The following ITGA3 variants were observed in gnomAD, a reference collection of about 807,000 sequenced individuals.
ITGA3 encodes integrin alpha-3.
In ITGA3, 70 loss-of-function variants were observed where a neutral mutation model predicts 131.1. The ratio of observed to expected loss-of-function variants is 0.53; its 90% CI spans 0.44 to 0.65. The LOEUF (loss-of-function observed/expected upper bound fraction) is 0.65, where lower values mean the gene tolerates loss of function less well. Among genes scored for constraint, ITGA3 ranks in the 30% least tolerant of loss-of-function variants. The probability of loss-of-function intolerance (pLI) is 0.00; values close to 1 mark genes in which losing one functional copy is unlikely to be tolerated. For synonymous variants in ITGA3, 537 were observed against 571.6 expected (o/e 0.94, Z 0.86); for missense variants, 1,098 against 1,388.6 (o/e 0.79, Z 3.33).
Position 50,068,241 on chromosome 17 carries a change from C to T in ITGA3, c.600C>T (p.Gly200=), listed in dbSNP as rs767582526. ...DYLETGMCQL[G]TSGGFTQNTV... ...TGGAGACGGGCATGTGCCAGCTGGG[C>T]ACCAGCGGTGGCTTCACCCAGAACA... The change falls in exon 4 of 26, where the codon GGC becomes GGT. Residue 200 remains glycine (G), a synonymous_variant. Transcript: ENST00000320031. 6.2e-6 allele frequency: 10 copies of T among 1,613,884 alleles called. No individual in the cohort carries two copies. Among genetic ancestry groups the T allele is most frequent in the East Asian group, 4.5e-5 (2 of 44,902 alleles).
chr17:50,079,106 C>T lies in ITGA3; in HGVS notation c.2431C>T (p.Leu811=). The T allele has an allele frequency of 6.2e-7, 1 of 1,613,762 alleles. No individual in the cohort carries two copies. The highest frequency in any genetic ancestry group is 8.5e-7 in the Non-Finnish European group (1 of 1,179,948). Residue 811 remains leucine (L), a synonymous_variant, in exon 20 of 26, where the codon CTG becomes TTG. Coordinates refer to ENST00000320031, the MANE Select transcript of ITGA3 (RefSeq NM_002204.4). ...CCCAATGGGGGAGGGGCTGGTGGGC[C>T]TGGGGACCCTGGTCCTAGGTCTGGA... The part of the protein sequence containing the change: ...VGPMGEGLVG[L]GTLVLGLEWP...
intron 13 of ITGA3, 22 bp downstream of exon 13, chr17:50,076,497 A>G (rs1246981233): frequency 6.2e-7 from 1 of 1,607,192 alleles, no homozygotes; most frequent in Admixed American, 1.7e-5. Context: ...TGGCGCCTGG[A>G]CTGGAAGACC....
chr17:50,075,223 G>T (rs1908825569), intron 10 of ITGA3, among the ~76,000 whole-genome samples: 1 of 152,148 alleles, frequency 6.6e-6, no homozygotes, highest in Non-Finnish European at 1.5e-5. Flanking sequence ...AGTCCTTCTG[G>T]GCCCTAGGCC....
chr17:50,072,770 T>C (rs1908690040), intron 7 of ITGA3, among the ~76,000 whole-genome samples: 1 of 152,068 alleles, frequency 6.6e-6, no homozygotes, highest in African/African-American at 2.4e-5. Context: ...AAGAATGTAA[T>C]ATCTCAGGTG....
Position 50,056,775 on chromosome 17 carries a change from G to A in ITGA3, c.206+130G>A. The stretch of plus-strand genomic sequence containing the variant: ...AGGATTAAGGGGCGGCCCTCTGGCT[G>A]CTGGGGGTTGGCGGGAAGTGGAGGA... On this transcript the variant is annotated intron_variant, in intron 1 of 25. Coordinates refer to ENST00000320031, the MANE Select transcript of ITGA3 (RefSeq NM_002204.4). The surrounding 1 kb of genome is among the most constrained non-coding windows in gnomAD (Gnocchi z 5.6). 1 of 912,462 alleles carries A rather than the reference G, an allele frequency of 1.1e-6. No homozygotes were observed. Among genetic ancestry groups the A allele is most frequent in the Non-Finnish European group, 1.6e-6 (1 of 616,150 alleles). 56.5% of individuals were successfully genotyped at this position (912,462 alleles called of 1,614,324 possible).
chr17:50,078,993 T>A (rs980457242), intron 19 of ITGA3, 67 bp downstream of exon 19: 1 of 1,514,342 alleles, frequency 6.6e-7, no homozygotes, highest in African/African-American at 1.4e-5. Context: ...TTCTCTGGGG[T>A]CTGAAGGTGG....
Position 50,088,230 on chromosome 17 carries a change from C to T in ITGA3, c.3051C>T (p.Gly1017=). 1 of 1,561,522 alleles carries T rather than the reference C, an allele frequency of 6.4e-7. No homozygotes were observed. Among genetic ancestry groups the T allele is most frequent in the Non-Finnish European group, 8.7e-7 (1 of 1,152,684 alleles). Reference sequence around the variant, plus strand: ...CCACCTCCTCCCCTCCGCAGTGCGGCTTCTTCAAGCGAGCCCGCACTCGCG... The same window carrying T: ...CCACCTCCTCCCCTCCGCAGTGCGGTTTCTTCAAGCGAGCCCGCACTCGCG... ...GLIILLLWKC[G]FFKRARTRAL... The change falls in exon 25 of 26, where the codon GGC becomes GGT. Residue 1017 remains glycine (G), a synonymous_variant. Transcript: ENST00000320031.
chr17:50,069,199 C>G (rs144656495), intron 4 of ITGA3, among the ~76,000 whole-genome samples: 2 of 152,056 alleles, frequency 1.3e-5, no homozygotes, highest in Non-Finnish European at 2.9e-5. Context: ...ATCCATTTTA[C>G]AAAAACAAAA....
rs1909216687 is a variant in ITGA3 at position 50,082,174 on chromosome 17, A to G, written c.2919+766A>G. On this transcript the variant is annotated intron_variant, in intron 23 of 25. Transcript: ENST00000320031. ...AGCTAATTTATTTCTTTATTCATGT[A>G]TTTATGTATTTATTTATTTATTTAT... Among the ~76,000 whole-genome samples, 3 of 151,468 alleles carry G rather than the reference A, an allele frequency of 2.0e-5. No individual in the cohort carries two copies. The South Asian group carries it at 6.3e-4, about 32-fold the overall frequency.
intron 23 of ITGA3, among the ~76,000 whole-genome samples, chr17:50,084,340 A>G (rs1300701117): frequency 1.3e-5 from 2 of 151,952 alleles, no homozygotes; most frequent in African/African-American, 4.8e-5. Flanking sequence ...TAGGAGACGA[A>G]GTTTTCAGTA....
rs780865641 is a variant in ITGA3, at chr17:50,089,093, T to A, written c.*32-17T>A. ...CTCTGGATGCTAATGTTCTTTCTCT[T>A]CTCCCTCCAACTCCAGTGTGACTTC... On this transcript the variant is annotated splice_polypyrimidine_tract_variant and intron_variant, in intron 25 of 25. Transcript: ENST00000320031. 2 of 1,607,072 alleles carry A rather than the reference T, an allele frequency of 1.2e-6. No individual in the cohort carries two copies. The highest frequency in any genetic ancestry group is 4.5e-5 in the East Asian group (2 of 44,788).
chr17:50,070,055 C>A (rs77499525), intron 4 of ITGA3, among the ~76,000 whole-genome samples: 1 of 152,200 alleles, frequency 6.6e-6, no homozygotes, highest in Non-Finnish European at 1.5e-5. Context: ...CCTCCCACCC[C>A]CTGGTCATGT....
At position 50,087,885 on chromosome 17, in the gene ITGA3, C is replaced by T; in HGVS notation, c.3045+16C>T. On this transcript the variant is annotated intron_variant, in intron 24 of 25. Coordinates refer to ENST00000320031, the MANE Select transcript of ITGA3 (RefSeq NM_002204.4). ...GCTGTGGAAGGTTAGTAGCCCAGCCCACTCCTGCTCCGGGACCTCCACCAG... is the reference window on the plus strand; with the variant it reads ...GCTGTGGAAGGTTAGTAGCCCAGCCTACTCCTGCTCCGGGACCTCCACCAG... 1 of 1,550,238 alleles carries T rather than the reference C, an allele frequency of 6.5e-7. No homozygotes were observed. The highest frequency in any genetic ancestry group is 1.9e-5 in the Admixed American group (1 of 52,202).
In ITGA3 at chr17:50,074,490, C is replaced by T. The variant is rs900771837; in HGVS notation, c.1425C>T (p.Pro475=). The part of the protein sequence containing the change: ...VINIVHKTLV[P]RPAVLDPALC... The stretch of plus-strand genomic sequence containing the variant: ...ACATCGTCCACAAGACCTTGGTGCC[C>T]AGGCCAGCTGTGCTGGACCCTGCAC... The change falls in exon 10 of 26, where the codon CCC becomes CCT. Residue 475 remains proline, a synonymous_variant. Transcript: ENST00000320031. 1 of 1,614,116 alleles carries T rather than the reference C, an allele frequency of 6.2e-7. No homozygotes were observed. Among genetic ancestry groups the T allele is most frequent in the Non-Finnish European group, 8.5e-7 (1 of 1,180,024 alleles).
At chr17:50,077,917 C>T (rs781220102) in intron 16 of ITGA3, 129 bp from the exon 17 acceptor site, 91 of 716,882 alleles carry the variant, frequency 1.3e-4, no homozygotes, top group Non-Finnish European at 2.0e-4. Context: ...AGAGACCCCT[C>T]ACCCAGAATA....
intron 23 of ITGA3, among the ~76,000 whole-genome samples, chr17:50,084,046 C>A (rs1169383650): frequency 2.2e-4 from 34 of 151,280 alleles, no homozygotes; most frequent in Non-Finnish European, 1.5e-5. Flanking sequence ...CTAGCCTGGG[C>A]AACATGGTGA....
intron 12 of ITGA3, 137 bp downstream of exon 12, chr17:50,075,872 G>A (rs2144293055): frequency 1.2e-6 from 1 of 846,856 alleles, no homozygotes; most frequent in East Asian, 2.6e-5. Flanking sequence ...AAGGCTATTG[G>A]TGTGTAGGAG....
Position 50,090,370 on chromosome 17 carries a change from C to T in ITGA3, c.*1292C>T, listed in dbSNP as rs1383564647. 2.6e-6 allele frequency: 1 copy of T among 387,980 alleles called. No individual in the cohort carries two copies. The highest frequency in any genetic ancestry group is 5.4e-6 in the Non-Finnish European group (1 of 185,660). The allele number at this position is 387,980 out of a possible 1,614,324, so 24.0% of individuals were successfully genotyped here. A position where few individuals can be genotyped will look rare whatever the true frequency, so the allele number is the denominator to read the frequency against. On this transcript the variant is annotated 3_prime_UTR_variant, in exon 26 of 26. Coordinates refer to ENST00000320031, the MANE Select transcript of ITGA3 (RefSeq NM_002204.4). ...CCCCTGCCTGTTGGCAGGCCCACTC[C>T]CCAGCCCCAGCCCCTTCCATGGTAC...
chr17:50,084,745 C>A (rs191815474), intron 23 of ITGA3, among the ~76,000 whole-genome samples: 2 of 151,946 alleles, frequency 1.3e-5, no homozygotes, highest in Non-Finnish European at 2.9e-5. Context: ...CAAAGTGAGA[C>A]CCATCTCTAC....
Sources: gnomAD v4.1 joint callset for allele counts (sites outside exome capture counted in the v4.1 genomes callset) on GRCh38, gnomAD v4.1.1 for gene constraint, Gnocchi (gnomAD v3.1) non-coding constraint, MANE v1.5 for transcripts, NCBI Gene and HGNC (gene_info 2026-07-23, HGNC 2026-07-21) for gene names.